YAP1: variants seen among roughly 807,000 people sequenced by gnomAD.
YAP1 encodes transcriptional coactivator YAP1.
Under a neutral mutation model 56.9 loss-of-function variants are expected in YAP1, and 5 were observed. That is an observed-to-expected ratio of 0.09 (90% CI 0.05 to 0.18). The LOEUF is 0.18. Among genes scored for constraint, YAP1 ranks in the 10% least tolerant of loss-of-function variants. YAP1 has a pLI of 1.00. For missense variants in YAP1, 539 were observed against 651.8 expected, an observed-to-expected ratio of 0.83 and a Z score of 1.88; for synonymous variants, 265 against 248.1, an observed-to-expected ratio of 1.07 and a Z score of -0.64.
chr11:102,152,491 G>C (rs912080789), intron 2 of YAP1, among the ~76,000 whole-genome samples: 1 of 152,178 alleles, frequency 6.6e-6, no homozygotes, highest in African/African-American at 2.4e-5. Context: ...TACTCTGTAA[G>C]TCTGAAAATA....
chr11:102,119,836 A>C (rs1279916465), intron 2 of YAP1, among the ~76,000 whole-genome samples: 1 of 152,164 alleles, frequency 6.6e-6, no homozygotes, highest in African/African-American at 2.4e-5. Context: ...TTGCCAAAAT[A>C]TATATAGAAA....
chr11:102,167,211 A>T (rs1418563186), intron 3 of YAP1, among the ~76,000 whole-genome samples: 1 of 152,220 alleles, frequency 6.6e-6, no homozygotes, highest in East Asian at 1.9e-4. Context: ...CCTTGGAAGA[A>T]GATTAATTTA....
intron 1 of YAP1, among the ~76,000 whole-genome samples, chr11:102,111,749 T>C (rs1448363495): frequency 3.3e-5 from 5 of 152,186 alleles, no homozygotes. Flanking sequence ...AATTGTTCTC[T>C]TGTTTTCCAG....
chr11:102,189,217 A>G (rs1029439061), intron 4 of YAP1, among the ~76,000 whole-genome samples: 37 of 152,090 alleles, frequency 2.4e-4, no homozygotes, highest in African/African-American at 8.7e-4. Context: ...ACTGGCAAAC[A>G]TGAGTCTCAG....
chr11:102,196,865 G>A (rs943345552), intron 4 of YAP1, among the ~76,000 whole-genome samples: 1 of 152,046 alleles, frequency 6.6e-6, no homozygotes, highest in African/African-American at 2.4e-5. Flanking sequence ...TAGGACACTC[G>A]TCTTTTCCTT....
intron 4 of YAP1, among the ~76,000 whole-genome samples, chr11:102,193,764 C>CA (rs1164275907): frequency 1.2e-4 from 18 of 151,782 alleles, no homozygotes; most frequent in Non-Finnish European, 1.2e-4. Flanking sequence ...ATGCCTTATT[C>CA]GTGTTACTAA....
intron 3 of YAP1, among the ~76,000 whole-genome samples, chr11:102,181,686 GT>G (rs1947634556): frequency 6.6e-6 from 1 of 152,212 alleles, no homozygotes; most frequent in South Asian, 2.1e-4. Flanking sequence ...AGACGTGACT[GT>G]GTACTATTCC....
intron 7 of YAP1, chr11:102,227,151 A>G: frequency 3.9e-6 from 1 of 254,616 alleles, no homozygotes; most frequent in South Asian, 6.6e-5. Flanking sequence ...ATACTGATGC[A>G]GAGAATTTTC....
intron 3 of YAP1, among the ~76,000 whole-genome samples, chr11:102,180,543 A>G (rs1413280795): frequency 6.6e-6 from 1 of 151,436 alleles, no homozygotes. Context: ...TTAGCCAGGC[A>G]TGGTGGCGGG....
At chr11:102,149,038 C>T (rs1281526754) in intron 2 of YAP1, among the ~76,000 whole-genome samples, 1 of 152,168 alleles carries the variant, frequency 6.6e-6, no homozygotes, top group African/African-American at 2.4e-5. Flanking sequence ...TCTTTTACCT[C>T]TTCATGTGTT....
Position 102,227,588 on chromosome 11 carries a change from A to G in YAP1, c.1276+7A>G. Reference sequence around the variant, plus strand: ...GTGGATGAGATGGATACAGGTTGGTATTCTTTATTCCTCTTAGTAACCTGA... The same window carrying G: ...GTGGATGAGATGGATACAGGTTGGTGTTCTTTATTCCTCTTAGTAACCTGA... On this transcript the variant is annotated splice_region_variant and intron_variant, in intron 8 of 8. Transcript: ENST00000282441. 6.3e-7 allele frequency: 1 copy of G among 1,587,942 alleles called. No homozygotes were observed. The highest frequency in any genetic ancestry group is 8.6e-7 in the Non-Finnish European group (1 of 1,157,104).
At chr11:102,181,046 G>A (rs949712842) in intron 3 of YAP1, among the ~76,000 whole-genome samples, 4 of 152,006 alleles carry the variant, frequency 2.6e-5, no homozygotes, top group African/African-American at 7.3e-5. Context: ...TCCCCAGGAA[G>A]CTGAGGCAGG....
chr11:102,133,384 C>T (rs1358792740), intron 2 of YAP1, among the ~76,000 whole-genome samples: 2 of 152,112 alleles, frequency 1.3e-5, no homozygotes, highest in Non-Finnish European at 2.9e-5. Context: ...CAGCCTCCAC[C>T]TCCTGGGTTC....
intron 3 of YAP1, among the ~76,000 whole-genome samples, chr11:102,176,476 G>A (rs1421524920): frequency 6.6e-6 from 1 of 151,966 alleles, no homozygotes; most frequent in East Asian, 1.9e-4. Context: ...GGTCAGGCAC[G>A]GTGGCTCACG....
intron 4 of YAP1, among the ~76,000 whole-genome samples, chr11:102,192,061 C>T (rs1000562903): frequency 2.6e-5 from 4 of 152,190 alleles, no homozygotes; most frequent in South Asian, 4.1e-4. Context: ...CAATTCTTGC[C>T]TCACCGATCT....
chr11:102,153,297 G>C (rs1945767896), intron 2 of YAP1, among the ~76,000 whole-genome samples: 1 of 152,134 alleles, frequency 6.6e-6, no homozygotes, highest in Non-Finnish European at 1.5e-5. Flanking sequence ...CAGTATCACA[G>C]ATATGAGTGA....
At position 102,137,455 on chromosome 11, in the gene YAP1, A is replaced by C. The variant is rs184058168; in HGVS notation, c.572+23061A>C. 2.3e-4 allele frequency among the ~76,000 whole-genome samples: 35 copies of C among 152,332 alleles called. 1 individual carries two copies. In the East Asian group the frequency reaches 6.2e-3, roughly 27 times the overall value. The stretch of plus-strand genomic sequence containing the variant: ...ATATCCTTGTTAACAAATTTATCAA[A>C]ATCACATATATGGGTAGAATTTAGG... On this transcript the variant is annotated intron_variant, in intron 2 of 8. Coordinates refer to ENST00000282441, the MANE Select transcript of YAP1 (RefSeq NM_001130145.3).
At chr11:102,177,807 C>A (rs1207362342) in intron 3 of YAP1, among the ~76,000 whole-genome samples, 1 of 151,776 alleles carries the variant, frequency 6.6e-6, no homozygotes, top group African/African-American at 2.4e-5. Flanking sequence ...AGGAGAAAGA[C>A]TAGTATTGAC....
At chr11:102,111,914 CTT>C (rs932808079) in intron 1 of YAP1, among the ~76,000 whole-genome samples, 1 of 151,976 alleles carries the variant, frequency 6.6e-6, no homozygotes, top group Non-Finnish European at 1.5e-5. Flanking sequence ...CCTGCCCAGA[CTT>C]TCCTGGAAGT....
Sources: allele counts gnomAD v4.1 joint callset (sites outside exome capture counted in the v4.1 genomes callset), GRCh38; gene constraint gnomAD v4.1.1; transcripts MANE v1.5; gene names NCBI Gene and HGNC (gene_info 2026-07-23, HGNC 2026-07-21).